Variants in PGBD5 observed in about 807,000 individuals in gnomAD.
PGBD5 encodes the protein piggyBac transposable element-derived protein 5.
Under a neutral mutation model 47.9 loss-of-function variants are expected in PGBD5, and 14 were observed. The ratio of observed to expected loss-of-function variants is 0.29; its 90% CI spans 0.19 to 0.46. The LOEUF (loss-of-function observed/expected upper bound fraction) is 0.46, where lower values mean the gene tolerates loss of function less well. Among genes scored for constraint, PGBD5 ranks in the 20% least tolerant of loss-of-function variants. The pLI, the probability that PGBD5 is intolerant of heterozygous loss-of-function variation, is 1.00. For missense variants in PGBD5, 635 were observed against 716.0 expected (o/e 0.89, Z 1.29); for synonymous variants, 316 against 306.3 (o/e 1.03, Z -0.33).
intron 1 of PGBD5, among the ~76,000 whole-genome samples, chr1:230,400,025 A>G (rs1657095561): frequency 6.6e-6 from 1 of 152,190 alleles, no homozygotes; most frequent in African/African-American, 2.4e-5. Context: ...CTTTGCTAAA[A>G]ATCCACCAAA....
chr1:230,403,451 G>C (rs1657192878), intron 1 of PGBD5, among the ~76,000 whole-genome samples: 1 of 152,202 alleles, frequency 6.6e-6, no homozygotes, highest in Non-Finnish European at 1.5e-5. Context: ...ACTCAGTGTA[G>C]TTCCCAGTGG....
chr1:230,398,045 C>T (rs1558211284), intron 1 of PGBD5, among the ~76,000 whole-genome samples: 1 of 152,202 alleles, frequency 6.6e-6, no homozygotes, highest in Non-Finnish European at 1.5e-5. Flanking sequence ...GCACATCTGG[C>T]ACCCAGGAAC....
Position 230,368,092 on chromosome 1 carries a change from T to G in PGBD5, c.332-10771A>C, listed in dbSNP as rs530151464. On this transcript the variant is annotated intron_variant, in intron 1 of 6. Coordinates refer to ENST00000391860, the MANE Select transcript of PGBD5 (RefSeq NM_001258311.2). ...TTAGCTCTGTGGTTGCTTCTGATTTTCCACGGATGTGCTCAAGTTCTGACC... is the reference window on the plus strand; with the variant it reads ...TTAGCTCTGTGGTTGCTTCTGATTTGCCACGGATGTGCTCAAGTTCTGACC... 469 of 1,367,954 alleles carry G rather than the reference T, an allele frequency of 3.4e-4. 5 individuals carry two copies. In the South Asian group the frequency reaches 5.0e-3, roughly 15 times the overall value. The allele number at this position is 1,367,954 out of a possible 1,614,324, so 84.7% of individuals were successfully genotyped here.
intron 3 of PGBD5, among the ~76,000 whole-genome samples, chr1:230,342,610 C>A (rs373437856): frequency 3.9e-5 from 6 of 152,266 alleles, no homozygotes; most frequent in African/African-American, 1.2e-4. Flanking sequence ...GGAACTGAGG[C>A]AGGGAGGGTG....
chr1:230,391,913 C>T lies in PGBD5; in HGVS notation c.331+33685G>A, dbSNP rs554816129. ...AGTGGCCCGAGCCTACGCCAGAGAA[C>T]GGGGCCAAGCTGCCCTTCTCCCCCA... is the stretch of plus-strand genomic sequence containing the variant. On this transcript the variant is annotated intron_variant, in intron 1 of 6. Coordinates refer to ENST00000391860, the MANE Select transcript of PGBD5 (RefSeq NM_001258311.2). Among the ~76,000 whole-genome samples, 46 of 152,322 alleles carry T rather than the reference C, an allele frequency of 3.0e-4. 1 individual carries two copies. The South Asian group carries it at 8.9e-3, about 29-fold the overall frequency.
rs16860214 is a variant in PGBD5 at position 230,333,115 on chromosome 1, C to A, written c.1076-74G>T. Reference sequence around the variant, plus strand: ...CCGGCGGCTCCTCCGCCCTGGGCACCCCCAAGGAAAGGACGGGACTGCCCG... The same window carrying A: ...CCGGCGGCTCCTCCGCCCTGGGCACACCCAAGGAAAGGACGGGACTGCCCG... On this transcript the variant is annotated intron_variant, in intron 4 of 6. Transcript: ENST00000391860. The A allele has an allele frequency of 8.9e-4, 1,317 of 1,478,894 alleles. 8 individuals carry two copies. In the African/African-American group the frequency reaches 0.016, roughly 18 times the overall value. 91.6% of individuals were successfully genotyped at this position (1,478,894 alleles called of 1,614,324 possible). A position where few individuals can be genotyped will look rare whatever the true frequency, so the allele number is the denominator to read the frequency against.
At chr1:230,377,788 TTGGGA>T in intron 1 of PGBD5, 1 of 1,200,096 alleles carries the variant, frequency 8.3e-7, no homozygotes, top group Non-Finnish European at 1.1e-6. Context: ...GCTCATACAT[TTGGGA>T]TAAGCACTGG....
At chr1:230,350,531 T>C (rs1245327434) in intron 3 of PGBD5, among the ~76,000 whole-genome samples, 1 of 152,116 alleles carries the variant, frequency 6.6e-6, no homozygotes, top group Non-Finnish European at 1.5e-5. Flanking sequence ...AGATACCTGG[T>C]GGGAGTGGGG....
chr1:230,362,218 C>T, intron 1 of PGBD5: 2 of 1,338,662 alleles, frequency 1.5e-6, no homozygotes, highest in Non-Finnish European at 2.0e-6. Context: ...GATGGCTGTT[C>T]CCCAAATCAG....
intron 1 of PGBD5, among the ~76,000 whole-genome samples, chr1:230,385,112 A>AC (rs569390392): frequency 1.8e-3 from 279 of 151,996 alleles, no homozygotes; most frequent in African/African-American, 6.5e-3. Flanking sequence ...ATATATTCAC[A>AC]CCCAGCGTTG....
At chr1:230,340,701 A>G (rs549510056) in intron 3 of PGBD5, among the ~76,000 whole-genome samples, 2 of 152,232 alleles carry the variant, frequency 1.3e-5, no homozygotes, top group South Asian at 2.1e-4. Context: ...ACGGTTATTC[A>G]TCATCTCCAT....
At chr1:230,335,778 C>CACACAG (rs1340590939) in intron 4 of PGBD5, among the ~76,000 whole-genome samples, 1 of 103,066 alleles carries the variant, frequency 9.7e-6, no homozygotes, top group African/African-American at 3.3e-5. Flanking sequence ...CAGACAGACA[C>CACACAG]ACACACACAC....
Position 230,323,678 on chromosome 1 carries a change from A to G in PGBD5, c.1380-58T>C. On this transcript the variant is annotated intron_variant, in intron 6 of 6. Transcript: ENST00000391860. The surrounding 1 kb of genome is among the most constrained non-coding windows in gnomAD (Gnocchi z 4.1). The stretch of plus-strand genomic sequence containing the variant: ...GATGGTTCATGGCACCCGGAGATGC[A>G]TCCCAAAGGCCCCCCCTCACCACAG... 6.7e-7 allele frequency: 1 copy of G among 1,495,620 alleles called. No individual in the cohort carries two copies. Among genetic ancestry groups the G allele is most frequent in the Non-Finnish European group, 9.0e-7 (1 of 1,107,062 alleles). 92.6% of individuals were successfully genotyped at this position (1,495,620 alleles called of 1,614,324 possible). A position where few individuals can be genotyped will look rare whatever the true frequency, so the allele number is the denominator to read the frequency against.
intron 3 of PGBD5, among the ~76,000 whole-genome samples, chr1:230,338,222 C>T (rs1440220089): frequency 6.6e-6 from 1 of 152,170 alleles, no homozygotes; most frequent in African/African-American, 2.4e-5. Flanking sequence ...CACAAATGAC[C>T]ACAAATTCAG....
intron 1 of PGBD5, among the ~76,000 whole-genome samples, chr1:230,409,800 C>A (rs181301135): frequency 6.7e-6 from 1 of 148,352 alleles, no homozygotes; most frequent in Admixed American, 6.7e-5. Context: ...AAAGCTGTTA[C>A]TAAAAAAATG....
chr1:230,417,387 G>A (rs1405996169), intron 1 of PGBD5, among the ~76,000 whole-genome samples: 9 of 152,246 alleles, frequency 5.9e-5, no homozygotes, highest in Middle Eastern at 6.8e-3. Flanking sequence ...GGTTTGCTAC[G>A]TAAATCTACA....
intron 1 of PGBD5, among the ~76,000 whole-genome samples, chr1:230,399,075 G>A (rs1027271103): frequency 1.3e-5 from 2 of 151,850 alleles, no homozygotes; most frequent in African/African-American, 2.4e-5. Flanking sequence ...GTGGCTAAGT[G>A]TCAGGTGCAG....
intron 1 of PGBD5, among the ~76,000 whole-genome samples, chr1:230,409,622 T>C (rs747787686): frequency 2.0e-5 from 3 of 152,174 alleles, no homozygotes; most frequent in African/African-American, 4.8e-5. Flanking sequence ...TATGATTCCA[T>C]GTATATGAAA....
At chr1:230,367,935 T>TCACACACA (rs775697345) in intron 1 of PGBD5, 8 of 1,361,690 alleles carry the variant, frequency 5.9e-6, no homozygotes, top group African/African-American at 1.5e-5. Flanking sequence ...TTGCTCAAGG[T>TCACACACA]CACGCAAGCT....
Sources: gnomAD v4.1 joint callset for allele counts (sites outside exome capture counted in the v4.1 genomes callset) on GRCh38, gnomAD v4.1.1 for gene constraint, Gnocchi (gnomAD v3.1) non-coding constraint, MANE v1.5 for transcripts, NCBI Gene and HGNC (gene_info 2026-07-23, HGNC 2026-07-21) for gene names.